The following OR1J2 variants were observed in gnomAD, a reference collection of about 807,000 sequenced individuals.
OR1J2 encodes olfactory receptor family 1 subfamily J member 2.
For missense variants in OR1J2, 304 were observed against 246.1 expected, an observed-to-expected ratio of 1.24 and a Z score of -1.57; for synonymous variants, 142 against 99.7, an observed-to-expected ratio of 1.42 and a Z score of -2.52.
the OR1J2 span, among the ~76,000 whole-genome samples, chr9:122,450,691 C>T: frequency 6.6e-6 from 1 of 152,174 alleles, no homozygotes; most frequent in Non-Finnish European, 1.5e-5. Flanking sequence ...ATCCCGGAAC[C>T]AGTCCTCCTG....
At chr9:122,545,097 ACTTT>A in the OR1J2 span, among the ~76,000 whole-genome samples, 18 of 152,020 alleles carry the variant, frequency 1.2e-4, no homozygotes, top group Admixed American at 1.0e-3. Context: ...TGACTCATAG[ACTTT>A]CTATTTGTAT....
the OR1J2 span, among the ~76,000 whole-genome samples, chr9:122,564,224 T>C: frequency 6.6e-6 from 1 of 152,180 alleles, no homozygotes; most frequent in Non-Finnish European, 1.5e-5. Context: ...TTAGCTCAGA[T>C]CCAACTTACG....
the OR1J2 span, among the ~76,000 whole-genome samples, chr9:122,571,713 T>C: frequency 8.4e-6 from 1 of 119,756 alleles, no homozygotes; most frequent in African/African-American, 3.5e-5. Context: ...AGACTCAGTC[T>C]CAAAAAAAAA....
At chr9:122,455,505 G>A in the OR1J2 span, among the ~76,000 whole-genome samples, 5 of 151,984 alleles carry the variant, frequency 3.3e-5, no homozygotes, top group Admixed American at 2.6e-4. Flanking sequence ...TTCTTTGGAG[G>A]GATGCCTATT....
the OR1J2 span, among the ~76,000 whole-genome samples, chr9:122,536,102 A>G: frequency 5.3e-5 from 8 of 152,204 alleles, no homozygotes; most frequent in Admixed American, 3.9e-4. Flanking sequence ...GTGTACGTGC[A>G]GGTCACAGGG....
the OR1J2 span, among the ~76,000 whole-genome samples, chr9:122,573,309 A>C: frequency 1.3e-5 from 2 of 152,266 alleles, no homozygotes; most frequent in Non-Finnish European, 2.9e-5. Context: ...GGCTAAACTC[A>C]GAGCTTCTTA....
At chr9:122,527,873 GTACTC>G in the OR1J2 span, among the ~76,000 whole-genome samples, 2 of 152,158 alleles carry the variant, frequency 1.3e-5, no homozygotes, top group East Asian at 3.8e-4. Context: ...TATATGACAG[GTACTC>G]TACTAAGTAC....
chr9:122,448,674 T>C, the OR1J2 span, among the ~76,000 whole-genome samples: 50,920 of 151,928 alleles, frequency 0.34, 9,273 homozygotes, highest in African/African-American at 0.48. Flanking sequence ...TGGAGAATGG[T>C]GATGACTTTT....
At chr9:122,566,498 TCTTA>T in the OR1J2 span, among the ~76,000 whole-genome samples, 71 of 152,336 alleles carry the variant, frequency 4.7e-4, no homozygotes, top group South Asian at 3.7e-3. Context: ...ATCTTAATTT[TCTTA>T]CTTAATGGCT....
chr9:122,509,167 C>T (rs1318998199), upstream of OR1J2, among the ~76,000 whole-genome samples: 2 of 152,282 alleles, frequency 1.3e-5, no homozygotes, highest in Admixed American at 1.3e-4. Flanking sequence ...CTTAATCCCA[C>T]CTTGGAATGC....
the OR1J2 span, among the ~76,000 whole-genome samples, chr9:122,476,545 A>C: frequency 6.6e-6 from 1 of 152,254 alleles, no homozygotes; most frequent in African/African-American, 2.4e-5. Context: ...TAATAATATC[A>C]GGAAAGCATT....
the OR1J2 span, among the ~76,000 whole-genome samples, chr9:122,535,713 G>C: frequency 6.6e-6 from 1 of 152,264 alleles, no homozygotes; most frequent in East Asian, 1.9e-4. Flanking sequence ...TCTCCCAAGG[G>C]AGGTCCCCTG....
At chr9:122,568,740 C>G in the OR1J2 span, 3 of 358,342 alleles carry the variant, frequency 8.4e-6, no homozygotes, top group East Asian at 1.5e-4. Context: ...GAAGTGGACT[C>G]CTCTAATTCA....
the OR1J2 span, among the ~76,000 whole-genome samples, chr9:122,487,338 G>A: frequency 6.6e-6 from 1 of 152,168 alleles, no homozygotes; most frequent in African/African-American, 2.4e-5. Context: ...AAAGAGGAAA[G>A]TACAAACACC....
the OR1J2 span, among the ~76,000 whole-genome samples, chr9:122,579,006 A>G: frequency 6.6e-6 from 1 of 151,802 alleles, no homozygotes; most frequent in Non-Finnish European, 1.5e-5. Context: ...ATGTCACCAA[A>G]CACCACCTGT....
the OR1J2 span, among the ~76,000 whole-genome samples, chr9:122,464,283 C>T: frequency 6.6e-6 from 1 of 152,238 alleles, no homozygotes; most frequent in Non-Finnish European, 1.5e-5. Flanking sequence ...AAAGGCTGGT[C>T]TCACTCCCAA....
the OR1J2 span, among the ~76,000 whole-genome samples, chr9:122,574,581 A>T: frequency 6.6e-6 from 1 of 152,046 alleles, no homozygotes; most frequent in African/African-American, 2.4e-5. Flanking sequence ...AGTTCCAGGA[A>T]TTTTTTTGTC....
chr9:122,451,918 G>A, the OR1J2 span, among the ~76,000 whole-genome samples: 8 of 151,786 alleles, frequency 5.3e-5, no homozygotes, highest in African/African-American at 1.7e-4. Flanking sequence ...TCGCTCTGTC[G>A]CCCAGGCTGG....
the OR1J2 span, among the ~76,000 whole-genome samples, chr9:122,491,212 C>T: frequency 6.6e-6 from 1 of 152,060 alleles, no homozygotes; most frequent in African/African-American, 2.4e-5. Context: ...TTGTGCTATT[C>T]ACTGAAGGCA....
Sources: allele counts gnomAD v4.1 joint callset (sites outside exome capture counted in the v4.1 genomes callset), GRCh38; gene constraint gnomAD v4.1.1; transcripts MANE v1.5; gene names NCBI Gene and HGNC (gene_info 2026-07-23, HGNC 2026-07-21).